RYR2: variants seen among roughly 807,000 people sequenced by gnomAD.
The protein encoded by RYR2 is cardiac muscle ryanodine receptor-calcium release channel.
A neutral mutation model predicts 601.1 loss-of-function variants in RYR2; 227 were observed. The ratio of observed to expected loss-of-function variants is 0.38; its 90% CI spans 0.34 to 0.42. RYR2 has a LOEUF of 0.42. Among genes scored for constraint, RYR2 ranks in the 10% least tolerant of loss-of-function variants. RYR2 has a pLI of 1.00. For missense variants in RYR2, 4,646 were observed against 6,156.5 expected, an observed-to-expected ratio of 0.75 and a Z score of 8.21; for synonymous variants, 2,223 against 2,175.1, an observed-to-expected ratio of 1.02 and a Z score of -0.61.
At chr1:237,410,322 G>C (rs1704317527) in intron 10 of RYR2, among the ~76,000 whole-genome samples, 1 of 152,172 alleles carries the variant, frequency 6.6e-6, no homozygotes. Context: ...AAAAAGATCT[G>C]TCACAATGTA....
At chr1:237,782,871 T>C (rs1174126691) in intron 89 of RYR2, among the ~76,000 whole-genome samples, 2 of 152,138 alleles carry the variant, frequency 1.3e-5, no homozygotes, top group East Asian at 3.9e-4. Flanking sequence ...TAAGCCTGGA[T>C]TCAAACCCAA....
Position 237,727,108 on chromosome 1 carries a change from A to T in RYR2, c.10747A>T (p.Lys3583Ter). The T allele has an allele frequency of 6.3e-7, 1 of 1,591,124 alleles. No homozygotes were observed. The highest frequency in any genetic ancestry group is 8.6e-7 in the Non-Finnish European group (1 of 1,159,408). The change falls in exon 76 of 105, where the codon AAA becomes TAA. Residue 3583 changes from lysine (K) to a stop codon, truncating the protein, a stop_gained. Transcript: ENST00000366574. LOFTEE classifies it high-confidence loss of function. The part of the protein sequence containing the change: ...YCLVEHPQRS[K>*]KAVWHKLLSK... ...TCAGGTGGAACATCCTCAGAGATCT[A>T]AAAAGGCTGTATGGCATAAACTACT...
At chr1:237,755,166 TTTTTC>T (rs1692846718) in intron 80 of RYR2, 1 of 1,167,570 alleles carries the variant, frequency 8.6e-7, no homozygotes, top group Non-Finnish European at 1.1e-6. Flanking sequence ...AAAGGTTTCT[TTTTTC>T]ATTTGTTTGA....
At chr1:237,234,196 G>C (rs1487795858) in intron 1 of RYR2, among the ~76,000 whole-genome samples, 2 of 152,096 alleles carry the variant, frequency 1.3e-5, no homozygotes, top group Non-Finnish European at 2.9e-5. Context: ...TCTTCAGCAA[G>C]AATCAAGTCT....
rs112021216 is a variant in RYR2, at chr1:237,234,700, A to C, written c.49-35797A>C. On this transcript the variant is annotated intron_variant, in intron 1 of 104. Coordinates refer to ENST00000366574, the MANE Select transcript of RYR2 (RefSeq NM_001035.3). Reference sequence around the variant, plus strand: ...AAGGATAATATTCTGGACATTAGAAAATATTTGTAGATAGTTGATAAATTT... The same window carrying C: ...AAGGATAATATTCTGGACATTAGAACATATTTGTAGATAGTTGATAAATTT... 9.1e-4 allele frequency among the ~76,000 whole-genome samples: 139 copies of C among 152,324 alleles called. 1 individual carries two copies. The highest frequency in any genetic ancestry group is 3.3e-3 in the African/African-American group (136 of 41,586).
chr1:237,417,347 A>G (rs898211253), intron 11 of RYR2, among the ~76,000 whole-genome samples: 2 of 152,016 alleles, frequency 1.3e-5, no homozygotes. Context: ...ATAAGCAATA[A>G]TTTTGTACAG....
chr1:237,613,536 G>A (rs904296883), intron 36 of RYR2, among the ~76,000 whole-genome samples: 10 of 152,100 alleles, frequency 6.6e-5, no homozygotes, highest in Non-Finnish European at 1.2e-4. Context: ...GCGCGATCTC[G>A]GCTCATTGCC....
In RYR2 at chr1:237,633,655, A is replaced by T. The variant is rs771351967; in HGVS notation, c.6633A>T (p.Gln2211His). The T allele has an allele frequency of 6.2e-7, 1 of 1,613,980 alleles. No individual in the cohort carries two copies. The highest frequency in any genetic ancestry group is 1.3e-5 in the African/African-American group (1 of 75,052). The change falls in exon 43 of 105, where the codon CAA (glutamine) becomes CAT (histidine). Residue 2211 changes from glutamine (Q) to histidine (H), a missense_variant. Coordinates refer to ENST00000366574, the MANE Select transcript of RYR2 (RefSeq NM_001035.3). ...CYFCRISRQN[Q>H]KAMFDHLSYL... ...TCTGTCGTATAAGTAGGCAGAATCA[A>T]AAAGCTATGTTTGATCATCTCAGTT...
At chr1:237,558,736 G>C (rs1439529601) in intron 27 of RYR2, among the ~76,000 whole-genome samples, 1 of 152,012 alleles carries the variant, frequency 6.6e-6, no homozygotes, top group Non-Finnish European at 1.5e-5. Context: ...TTTCCATTAT[G>C]TGTATGTTGG....
chr1:237,257,123 C>T (rs1450479465), intron 1 of RYR2, among the ~76,000 whole-genome samples: 8 of 152,120 alleles, frequency 5.3e-5, no homozygotes, highest in Admixed American at 2.0e-4. Context: ...TGTACTTTGT[C>T]TTTTAATGCA....
At chr1:237,262,240 A>G (rs1220705591) in intron 1 of RYR2, among the ~76,000 whole-genome samples, 1 of 85,420 alleles carries the variant, frequency 1.2e-5, no homozygotes, top group Non-Finnish European at 2.3e-5. Context: ...TCTCTGTTCT[A>G]AAGAGTTTTT....
At chr1:237,241,473 T>C (rs1292816509) in intron 1 of RYR2, among the ~76,000 whole-genome samples, 1 of 152,248 alleles carries the variant, frequency 6.6e-6, no homozygotes, top group Non-Finnish European at 1.5e-5. Flanking sequence ...TGGAACTATA[T>C]CTGTCACAGG....
intron 7 of RYR2, 21 bp from the exon 8 acceptor site, chr1:237,377,302 C>A: frequency 6.4e-7 from 1 of 1,552,444 alleles, no homozygotes; most frequent in Non-Finnish European, 8.8e-7. Context: ...TTTCATGTTT[C>A]ACATATCCGT....
chr1:237,609,365 T>TC (rs1387999925), intron 35 of RYR2, among the ~76,000 whole-genome samples: 1 of 116,126 alleles, frequency 8.6e-6, no homozygotes, highest in African/African-American at 3.3e-5. Flanking sequence ...CTTCTCCCCT[T>TC]CCCCCCTTCC....
At chr1:237,754,149 TCAA>T (rs1261778326) in intron 80 of RYR2, among the ~76,000 whole-genome samples, 2 of 131,116 alleles carry the variant, frequency 1.5e-5, no homozygotes, top group African/African-American at 3.5e-5. Context: ...TCTTTTTGGC[TCAA>T]TGTTTTTTTT....
intron 23 of RYR2, among the ~76,000 whole-genome samples, chr1:237,508,760 T>A (rs1665538469): frequency 2.2e-5 from 2 of 91,428 alleles, no homozygotes; most frequent in African/African-American, 6.5e-5. Flanking sequence ...TTTTTTTTTT[T>A]GAGACGGAGT....
chr1:237,141,475 A>G (rs1673383111), intron 1 of RYR2, among the ~76,000 whole-genome samples: 1 of 152,146 alleles, frequency 6.6e-6, no homozygotes. Flanking sequence ...TTTATGGGGT[A>G]GTCTGGGACC....
intron 2 of RYR2, among the ~76,000 whole-genome samples, chr1:237,297,316 C>A (rs558959644): frequency 2.0e-5 from 3 of 152,250 alleles, no homozygotes; most frequent in East Asian, 3.9e-4. Flanking sequence ...GAAAGGTGAT[C>A]TTTATGCTCC....
intron 1 of RYR2, among the ~76,000 whole-genome samples, chr1:237,177,153 G>C (rs568673580): frequency 3.9e-4 from 59 of 152,230 alleles, no homozygotes; most frequent in African/African-American, 1.4e-3. Context: ...TCTCTTGCTG[G>C]CAAAAATCTT....
Sources: gnomAD v4.1 joint callset for allele counts (sites outside exome capture counted in the v4.1 genomes callset) on GRCh38, gnomAD v4.1.1 for gene constraint, MANE v1.5 for transcripts, NCBI Gene and HGNC (gene_info 2026-07-23, HGNC 2026-07-21) for gene names.